ERCC6: variants seen among roughly 807,000 people sequenced by gnomAD.
The protein encoded by ERCC6 is ERCC excision repair 6, chromatin remodeling factor.
Under a neutral mutation model 158.7 loss-of-function variants are expected in ERCC6, and 116 were observed. The observed-to-expected ratio is 0.73, with a 90% confidence interval of 0.63 to 0.85. The LOEUF (loss-of-function observed/expected upper bound fraction) is 0.85. ERCC6 is among the 40% of genes least tolerant of loss of function. The pLI is 0.00. For synonymous variants in ERCC6, 678 were observed against 659.3 expected, an observed-to-expected ratio of 1.03 and a Z score of -0.43; for missense variants, 1,698 against 1,799.4, an observed-to-expected ratio of 0.94 and a Z score of 1.02.
chr10:49,449,498 G>C (rs1474205582), downstream of ERCC6, among the ~76,000 whole-genome samples: 1 of 144,446 alleles, frequency 6.9e-6, no homozygotes, highest in African/African-American at 2.6e-5. Context: ...CCAAGCCCAA[G>C]TTCATGAAGA....
downstream of ERCC6, among the ~76,000 whole-genome samples, chr10:49,454,059 T>C (rs1186029323): frequency 6.6e-6 from 1 of 152,234 alleles, no homozygotes; most frequent in Non-Finnish European, 1.5e-5. Flanking sequence ...TCTGCTCTTC[T>C]TGTACTCCCA....
chr10:49,482,693 T>C lies in ERCC6; in HGVS notation c.2163A>G (p.Pro721=), dbSNP rs139921386. 2.5e-6 allele frequency: 4 copies of C among 1,613,846 alleles called. No homozygotes were observed. Among genetic ancestry groups the C allele is most frequent in the Non-Finnish European group, 3.4e-6 (4 of 1,179,788 alleles). The part of the protein sequence containing the change: ...ITMGGYSNAS[P]VQVKTAYKCA... ...TATCATCCTAATATTTTACCTGTAC[T>C]GGGGAAGCATTTGAATATCCCCCCA... is the stretch of plus-strand genomic sequence containing the variant. The change falls in exon 10 of 21, where the codon CCA becomes CCG. Residue 721 remains proline, a synonymous_variant. Transcript: ENST00000355832.
rs568316510 is a variant in ERCC6, at chr10:49,535,086, T to C, written c.-14-2108A>G. Among the ~76,000 whole-genome samples, 389 of 152,294 alleles carry C rather than the reference T, an allele frequency of 2.6e-3. 10 individuals carry two copies. Among genetic ancestry groups the C allele is most frequent in the Admixed American group, 0.025 (385 of 15,288 alleles). On this transcript the variant is annotated intron_variant, in intron 1 of 20. Coordinates refer to ENST00000355832, the MANE Select transcript of ERCC6 (RefSeq NM_000124.4). ...CACATGGGCCATGCATGGTCTGATA[T>C]ATAGGAGGTGCTCAATATCTGCTGA... is the stretch of plus-strand genomic sequence containing the variant.
chr10:49,476,425 T>C (rs1014514423), intron 11 of ERCC6, 115 bp from the exon 12 acceptor site: 2 of 694,970 alleles, frequency 2.9e-6, no homozygotes, highest in Admixed American at 2.4e-5. Flanking sequence ...ATTTTAATGA[T>C]ATCCCTATTA....
At chr10:49,539,212 C>T (rs980686908), upstream of ERCC6, among the ~76,000 whole-genome samples, 4 of 152,250 alleles carry the variant, frequency 2.6e-5, no homozygotes, top group Admixed American at 6.5e-5. Flanking sequence ...TACTTGCGTG[C>T]GAGCAGGGCG....
At chr10:49,451,035 TCTC>T (rs546488488), downstream of ERCC6, among the ~76,000 whole-genome samples, 217 of 152,140 alleles carry the variant, frequency 1.4e-3, no homozygotes, top group African/African-American at 4.6e-3. Flanking sequence ...ATGGTCTTGA[TCTC>T]CTGACCTCAT....
At chr10:49,538,232 T>C (rs898240427) in intron 1 of ERCC6, among the ~76,000 whole-genome samples, 1 of 151,996 alleles carries the variant, frequency 6.6e-6, no homozygotes, top group African/African-American at 2.4e-5. Context: ...ATTTGGAGGG[T>C]TGGTCGGACA....
chr10:49,507,353 T>C (rs1851460765), intron 5 of ERCC6, among the ~76,000 whole-genome samples: 2 of 152,194 alleles, frequency 1.3e-5, no homozygotes, highest in Admixed American at 6.5e-5. Context: ...CTGTTGGTCA[T>C]TTCCAGAGAA....
Position 49,461,385 on chromosome 10 carries a change from T to C in ERCC6, c.3950A>G (p.His1317Arg). 6.2e-7 allele frequency: 1 copy of C among 1,613,822 alleles called. No homozygotes were observed. The highest frequency in any genetic ancestry group is 8.5e-7 in the Non-Finnish European group (1 of 1,180,020). The change falls in exon 19 of 21, where the codon CAC (histidine) becomes CGC (arginine). Residue 1317 changes from histidine (H) to arginine (R), a missense_variant. By Grantham distance (29) the His-to-Arg change is conservative. Coordinates refer to ENST00000355832, the MANE Select transcript of ERCC6 (RefSeq NM_000124.4). ...TGCTGGTGCACCAGAAATCCCCCTG[T>C]GGCCAGTCCAGGTGGGAACACCAGA... ...AVSGVPTWTG[H>R]RGISGAPAGK...
At position 49,481,358 on chromosome 10, in the gene ERCC6, TA is replaced by T. The variant is rs376752542; in HGVS notation, c.2169+1328del. 6.2e-3 allele frequency among the ~76,000 whole-genome samples: 947 copies of T among 152,298 alleles called. 12 individuals carry two copies. The highest frequency in any genetic ancestry group is 0.021 in the African/African-American group (889 of 41,564). On this transcript the variant is annotated intron_variant, in intron 10 of 20. Transcript: ENST00000355832. ...AATTTTTTTAAAAAAAAGAATGGTA[TA>T]ACAGGAGATTCAGAGAAAGAAGAGA...
chr10:49,526,200 C>T (rs1211424105), intron 4 of ERCC6, among the ~76,000 whole-genome samples: 1 of 138,800 alleles, frequency 7.2e-6, no homozygotes, highest in African/African-American at 2.8e-5. Flanking sequence ...TGTCAGTTTT[C>T]CAAAGTGTTA....
intron 1 of ERCC6, among the ~76,000 whole-genome samples, chr10:49,538,008 G>T (rs905529785): frequency 6.6e-6 from 1 of 152,238 alleles, no homozygotes; most frequent in Admixed American, 6.5e-5. Flanking sequence ...TTTAAGACTA[G>T]AAAGAGCTGA....
In ERCC6 at chr10:49,474,083, A is replaced by G; in HGVS notation, c.2542T>C (p.Leu848=). 2 of 1,614,166 alleles carry G rather than the reference A, an allele frequency of 1.2e-6. No individual in the cohort carries two copies. Among genetic ancestry groups the G allele is most frequent in the Non-Finnish European group, 1.7e-6 (2 of 1,180,036 alleles). The part of the protein sequence containing the change: ...SGKMIVVESL[L]KIWHKQGQRV... ...TGACCCTGCTTGTGCCATATTTTCA[A>G]CAAAGACTCAACAACAATCATTTTC... Residue 848 remains leucine, a synonymous_variant, in exon 13 of 21, where the codon TTG becomes CTG. Transcript: ENST00000355832.
chr10:49,448,046 A>C, the ERCC6 span, among the ~76,000 whole-genome samples: 1 of 152,212 alleles, frequency 6.6e-6, no homozygotes, highest in Non-Finnish European at 1.5e-5. Flanking sequence ...AGTTTGTGGA[A>C]TATTCCACAA....
At chr10:49,491,360 T>A (rs2132562410) in intron 8 of ERCC6, among the ~76,000 whole-genome samples, 1 of 152,200 alleles carries the variant, frequency 6.6e-6, no homozygotes, top group East Asian at 1.9e-4. Flanking sequence ...GTAGGAAGAG[T>A]TAAGAGTTTG....
Position 49,461,474 on chromosome 10 carries a change from G to C in ERCC6, c.3861C>G (p.Asn1287Lys). 1 of 1,614,132 alleles carries C rather than the reference G, an allele frequency of 6.2e-7. No individual in the cohort carries two copies. The highest frequency in any genetic ancestry group is 1.1e-5 in the South Asian group (1 of 91,054). The change falls in exon 19 of 21, where the codon AAC becomes AAG. Residue 1287 changes from asparagine to lysine, a missense_variant. Transcript: ENST00000355832. ...PDYVLVEAEANRVAQDALKAL... is the reference protein window; with the variant it reads ...PDYVLVEAEAKRVAQDALKAL... Reference sequence around the variant, plus strand: ...CTTTCAGGGCATCCTGGGCCACTCGGTTGGCTTCTGCCTCCACCAGTACAT... The same window carrying C: ...CTTTCAGGGCATCCTGGGCCACTCGCTTGGCTTCTGCCTCCACCAGTACAT...
At chr10:49,513,173 C>A (rs1262303772) in intron 5 of ERCC6, among the ~76,000 whole-genome samples, 1 of 152,134 alleles carries the variant, frequency 6.6e-6, no homozygotes, top group Non-Finnish European at 1.5e-5. Flanking sequence ...CTGTGATCCC[C>A]ATCTTACAGG....
chr10:49,483,282 T>C (rs1851012187), intron 9 of ERCC6, 64 bp downstream of exon 9: 13 of 1,488,136 alleles, frequency 8.7e-6, no homozygotes, highest in Admixed American at 6.7e-5. Context: ...TAAAAGCAGA[T>C]AGTTTATTCT....
chr10:49,484,153 C>G (rs995921772), intron 8 of ERCC6, among the ~76,000 whole-genome samples: 2 of 151,686 alleles, frequency 1.3e-5, no homozygotes, highest in African/African-American at 4.8e-5. Flanking sequence ...TGGTGCCAAG[C>G]ACCTGTAGTC....
Sources: gnomAD v4.1 joint callset for allele counts (sites outside exome capture counted in the v4.1 genomes callset) on GRCh38, gnomAD v4.1.1 for gene constraint, MANE v1.5 for transcripts, NCBI Gene and HGNC (gene_info 2026-07-23, HGNC 2026-07-21) for gene names.